The following CLSPN variants were observed in gnomAD, a reference collection of about 807,000 sequenced individuals.
CLSPN encodes the protein claspin, also known as claspin homolog.
A neutral mutation model predicts 156.3 loss-of-function variants in CLSPN; 85 were observed. The ratio of observed to expected loss-of-function variants is 0.54; its 90% CI spans 0.46 to 0.65. The LOEUF is 0.65. Among genes scored for constraint, CLSPN ranks in the 30% least tolerant of loss-of-function variants. CLSPN has a pLI of 0.00. For synonymous variants in CLSPN, 534 were observed against 542.4 expected, an observed-to-expected ratio of 0.98 and a Z score of 0.22; for missense variants, 1,407 against 1,554.9, an observed-to-expected ratio of 0.90 and a Z score of 1.60.
chr1:35,734,694 A>G lies in CLSPN; in HGVS notation c.*1802T>C. 2 of 926,298 alleles carry G rather than the reference A, an allele frequency of 2.2e-6. No homozygotes were observed. The highest frequency in any genetic ancestry group is 1.8e-5 in the African/African-American group (1 of 56,198). The allele number at this position is 926,298 out of a possible 1,614,324, so 57.4% of individuals were successfully genotyped here. ...CTATGTCTCAAAAAAAAAAAAAGAA[A>G]AGAAAAGAAAAGAAAAAGAAAAAGA... On this transcript the variant is annotated 3_prime_UTR_variant, in exon 25 of 25. Transcript: ENST00000318121.
At chr1:35,731,952 C>G (rs1641327917), downstream of CLSPN, among the ~76,000 whole-genome samples, 1 of 152,156 alleles carries the variant, frequency 6.6e-6, no homozygotes, top group Non-Finnish European at 1.5e-5. Flanking sequence ...CTTTCATTCT[C>G]AAAGGAGGTG....
At chr1:35,729,156 G>A (rs1406375846), downstream of CLSPN, among the ~76,000 whole-genome samples, 2 of 152,054 alleles carry the variant, frequency 1.3e-5, no homozygotes, top group Non-Finnish European at 2.9e-5. Flanking sequence ...CCTTCCTTCA[G>A]CCTCTGAGAA....
At chr1:35,768,641 C>T (rs2148629771) in intron 1 of CLSPN, among the ~76,000 whole-genome samples, 1 of 151,518 alleles carries the variant, frequency 6.6e-6, no homozygotes, top group East Asian at 2.0e-4. Flanking sequence ...GTTTCGAACT[C>T]TTGAGCTCAA....
Position 35,747,924 on chromosome 1 carries a change from T to C in CLSPN, c.2610A>G (p.Gln870=). The stretch of plus-strand genomic sequence containing the variant: ...CTACCTACCCATCTGCATCCAACAG[T>C]TGGCTCTGAGTGTCATCTTCTAAAC... ...QFCLEDDTQS[Q]LLDADGFLNV... The change falls in exon 14 of 25, where the codon CAA becomes CAG. Residue 870 remains glutamine (Q), a synonymous_variant. Coordinates refer to ENST00000318121, the MANE Select transcript of CLSPN (RefSeq NM_022111.4). The C allele has an allele frequency of 6.2e-7, 1 of 1,613,942 alleles. No homozygotes were observed. The highest frequency in any genetic ancestry group is 8.5e-7 in the Non-Finnish European group (1 of 1,179,952).
chr1:35,727,063 A>G (rs952180286), intron 24 of CLSPN, among the ~76,000 whole-genome samples: 1 of 152,200 alleles, frequency 6.6e-6, no homozygotes, highest in African/African-American at 2.4e-5. Context: ...CACACCTCCA[A>G]CGCTGGAAAT....
At chr1:35,725,854 C>T (rs1383102183) in intron 24 of CLSPN, among the ~76,000 whole-genome samples, 1 of 152,106 alleles carries the variant, frequency 6.6e-6, no homozygotes, top group African/African-American at 2.4e-5. Context: ...TATTCATTCT[C>T]CTGGCACGCA....
chr1:35,730,271 T>G (rs1300572291), downstream of CLSPN, among the ~76,000 whole-genome samples: 1 of 152,002 alleles, frequency 6.6e-6, no homozygotes, highest in Non-Finnish European at 1.5e-5. Flanking sequence ...AGGCTGGGTG[T>G]GGTGGCTCAT....
chr1:35,761,142 G>A lies in CLSPN; in HGVS notation c.958C>T (p.Arg320Cys), dbSNP rs148471489. The change falls in exon 7 of 25, where the codon CGT becomes TGT. Residue 320 changes from arginine to cysteine, a missense_variant. This residue lies in a region of CLSPN where 1,096 missense variants were observed against 1,193.0 expected (regional missense o/e 0.92). Transcript: ENST00000318121. The part of the protein sequence containing the change: ...ENKTIHDFFK[R>C]KPRPTCHGNA... ...CCGTGGCAAGTGGGCCGGGGTTTAC[G>A]TTTGAAGAAATCATGAATGGTTTTA... 8.7e-6 allele frequency: 14 copies of A among 1,613,664 alleles called. No individual in the cohort carries two copies. Among genetic ancestry groups the A allele is most frequent in the Admixed American group, 5.0e-5 (3 of 60,004 alleles).
chr1:35,725,619 C>G (rs1328131611), intron 24 of CLSPN, among the ~76,000 whole-genome samples: 1 of 152,154 alleles, frequency 6.6e-6, no homozygotes, highest in African/African-American at 2.4e-5. Flanking sequence ...CTGACAGTTC[C>G]TTTCTGGGTG....
intron 24 of CLSPN, among the ~76,000 whole-genome samples, chr1:35,724,670 C>G (rs1044355925): frequency 6.6e-6 from 1 of 152,150 alleles, no homozygotes; most frequent in Non-Finnish European, 1.5e-5. Flanking sequence ...AATAATATGC[C>G]TTAAAAATTG....
chr1:35,761,153 T>A lies in CLSPN; in HGVS notation c.947A>T (p.Asp316Val). 2 of 1,613,952 alleles carry A rather than the reference T, an allele frequency of 1.2e-6. No individual in the cohort carries two copies. The highest frequency in any genetic ancestry group is 1.7e-6 in the Non-Finnish European group (2 of 1,179,858). Reference sequence around the variant, plus strand: ...GGGCCGGGGTTTACGTTTGAAGAAATCATGAATGGTTTTATTCTCAGGCAT... The same window carrying A: ...GGGCCGGGGTTTACGTTTGAAGAAAACATGAATGGTTTTATTCTCAGGCAT... ...YHMPENKTIH[D>V]FFKRKPRPTC... Residue 316 changes from aspartate (D) to valine (V), a missense_variant, in exon 7 of 25, where the codon GAT (aspartate) becomes GTT (valine). Physicochemically the swap from Asp to Val is radical, Grantham distance 152. Around this residue, in one of 3 missense-constraint regions of CLSPN, gnomAD observed 1,096 missense variants for 1,193.0 expected, o/e 0.92. Coordinates refer to ENST00000318121, the MANE Select transcript of CLSPN (RefSeq NM_022111.4).
chr1:35,732,395 C>T lies in CLSPN; in HGVS notation c.*4101G>A, dbSNP rs958764405. 2.7e-5 allele frequency: 27 copies of T among 985,202 alleles called. No individual in the cohort carries two copies. Among genetic ancestry groups the T allele is most frequent in the African/African-American group, 7.0e-5 (4 of 57,200 alleles). 61.0% of individuals were successfully genotyped at this position (985,202 alleles called of 1,614,324 possible). A position where few individuals can be genotyped will look rare whatever the true frequency, so the allele number is the denominator to read the frequency against. ...TCCCAGCCTGAGCATTAGAAACTCT[C>T]AAAGTGAGGAGAAGTTTGTAGAGAA... On this transcript the variant is annotated 3_prime_UTR_variant, in exon 25 of 25. Transcript: ENST00000318121.
At position 35,744,936 on chromosome 1, in the gene CLSPN, C is replaced by A. The variant is rs189539395; in HGVS notation, c.2966+515G>T. On this transcript the variant is annotated intron_variant, in intron 16 of 24. Transcript: ENST00000318121. ...TCAAGCAATTCTCCTGCCTCAGCCT[C>A]CCAAGTAGCTGGGATTACAGGCATG... is the stretch of plus-strand genomic sequence containing the variant. 7.8e-3 allele frequency among the ~76,000 whole-genome samples: 1,184 copies of A among 152,256 alleles called. 5 individuals are homozygous for A. The highest frequency in any genetic ancestry group is 0.012 in the Non-Finnish European group (826 of 68,028).
chr1:35,761,184 A>G lies in CLSPN; in HGVS notation c.916T>C (p.Tyr306His), dbSNP rs200923454. 4.2e-5 allele frequency: 68 copies of G among 1,612,252 alleles called. No individual in the cohort carries two copies. Among genetic ancestry groups the G allele is most frequent in the Non-Finnish European group, 1.6e-5 (19 of 1,178,376 alleles). ...ATGGTTTTATTCTCAGGCATATGAT[A>G]TGGAAGGTTCAGTGCAGACTCTATA... ...LIRESALNLPYHMPENKTIHD... is the reference protein window; with the variant it reads ...LIRESALNLPHHMPENKTIHD... The change falls in exon 7 of 25, where the codon TAT becomes CAT. Residue 306 changes from tyrosine (Y) to histidine (H), a missense_variant. Tyr to His is a moderately conservative substitution (Grantham distance 83). Coordinates refer to ENST00000318121, the MANE Select transcript of CLSPN (RefSeq NM_022111.4).
intron 24 of CLSPN, among the ~76,000 whole-genome samples, chr1:35,724,500 CAG>C (rs974419785): frequency 6.6e-6 from 1 of 152,158 alleles, no homozygotes; most frequent in African/African-American, 2.4e-5. Context: ...AGGAAGCCCT[CAG>C]AGTTTCCATA....
chr1:35,720,830 A>C (rs1421783306), exon 25 of CLSPN: 4 of 1,202,180 alleles, frequency 3.3e-6, no homozygotes, highest in Non-Finnish European at 1.2e-6. Context: ...AAAGTCATCA[A>C]TTGTTTGTTC....
At chr1:35,737,442 G>A in intron 22 of CLSPN, 21 bp from the exon 23 acceptor site, 1 of 1,578,116 alleles carries the variant, frequency 6.3e-7, no homozygotes. Context: ...AAGACAGAGA[G>A]GCCTATTCTG....
In CLSPN at chr1:35,745,508, A is replaced by G; in HGVS notation, c.2909T>C (p.Met970Thr). The change falls in exon 16 of 25, where the codon ATG (methionine) becomes ACG (threonine). Residue 970 changes from methionine to threonine, a missense_variant. Physicochemically the swap from Met to Thr is moderately conservative, Grantham distance 81. Coordinates refer to ENST00000318121, the MANE Select transcript of CLSPN (RefSeq NM_022111.4). ...ELNKQEKESS[M>T]GDPMEEALAL... ...AAGTGCTTCTTCCATTGGATCACCCATGCTGCTCTCCTTCTCCTGTTTATT... is the reference window on the plus strand; with the variant it reads ...AAGTGCTTCTTCCATTGGATCACCCGTGCTGCTCTCCTTCTCCTGTTTATT... The G allele has an allele frequency of 6.2e-7, 1 of 1,614,112 alleles. No homozygotes were observed. Among genetic ancestry groups the G allele is most frequent in the Non-Finnish European group, 8.5e-7 (1 of 1,179,978 alleles).
chr1:35,761,947 C>T, intron 6 of CLSPN, 51 bp downstream of exon 6: 1 of 1,258,240 alleles, frequency 7.9e-7, no homozygotes, highest in Non-Finnish European at 1.2e-6. Context: ...CCAAGTTGAG[C>T]TTACAAAGAA....
Sources: allele counts gnomAD v4.1 joint callset (sites outside exome capture counted in the v4.1 genomes callset), GRCh38; gene constraint gnomAD v4.1.1; regional missense constraint gnomAD v4.1.1; transcripts MANE v1.5; gene names NCBI Gene and HGNC (gene_info 2026-07-23, HGNC 2026-07-21).